AP4E1: variants seen among roughly 807,000 people sequenced by gnomAD.
The protein encoded by AP4E1 is AP-4 complex subunit epsilon-1.
A neutral mutation model predicts 128.2 loss-of-function variants in AP4E1; 56 were observed. The observed-to-expected ratio is 0.44, with a 90% CI of 0.35 to 0.55. The LOEUF is 0.55. Ranked by LOEUF, AP4E1 falls within the 20% of genes least tolerant of loss-of-function variation. The probability of loss-of-function intolerance (pLI) is 0.00; values close to 1 mark genes in which losing one functional copy is unlikely to be tolerated. For synonymous variants in AP4E1, 484 were observed against 473.1 expected (o/e 1.02, Z -0.30); for missense variants, 1,324 against 1,307.7 (o/e 1.01, Z -0.19).
rs556450190 is a variant in AP4E1, at chr15:50,997,380, G to A, written c.2401G>A (p.Glu801Lys). 31 of 1,603,770 alleles carry A rather than the reference G, an allele frequency of 1.9e-5. No individual in the cohort carries two copies. The African/African-American group carries it at 3.9e-4, about 20-fold the overall frequency. The change falls in exon 18 of 21, where the codon GAA (glutamate) becomes AAA (lysine). Residue 801 changes from glutamate to lysine, a missense_variant. Transcript: ENST00000261842. ...GTTCAGAAGGAAATCAAAAGTCAAA[G>A]AAGCTAAAAGTGGCGAAACAACCAG... Reference protein sequence around the residue: ...HKFRRKSKVKEAKSGETTSTH... With the variant: ...HKFRRKSKVKKAKSGETTSTH...
chr15:50,965,944 G>A (rs1174680944), intron 14 of AP4E1, among the ~76,000 whole-genome samples: 1 of 151,662 alleles, frequency 6.6e-6, no homozygotes, highest in East Asian at 1.9e-4. Context: ...TTGAGACGGA[G>A]TCTCGCTCTG....
In AP4E1 at chr15:50,939,420, C is replaced by T. The variant is rs150705622; in HGVS notation, c.944-2022C>T. Among the ~76,000 whole-genome samples the T allele has an allele frequency of 1.6e-3, 244 of 149,060 alleles. 8 individuals are homozygous for T. The East Asian group carries it at 0.04, about 24-fold the overall frequency. On this transcript the variant is annotated intron_variant, in intron 8 of 20. Coordinates refer to ENST00000261842, the MANE Select transcript of AP4E1 (RefSeq NM_007347.5). ...CCTGGGGGGTGGAGGTTGCAGACTG[C>T]ATCTCAAAAAAAAAAAAAGAAATTC...
chr15:50,955,410 A>T (rs1475781284), intron 13 of AP4E1, among the ~76,000 whole-genome samples: 1 of 152,024 alleles, frequency 6.6e-6, no homozygotes, highest in Non-Finnish European at 1.5e-5. Context: ...TGTGGTTTTG[A>T]TTAGCATTTC....
intron 3 of AP4E1, among the ~76,000 whole-genome samples, chr15:50,923,724 T>G (rs139159027): frequency 1.4e-4 from 22 of 152,346 alleles, no homozygotes; most frequent in Admixed American, 9.8e-4. Context: ...TGGAATATCC[T>G]ATGAAATACA....
intron 2 of AP4E1, among the ~76,000 whole-genome samples, chr15:50,914,529 T>G (rs542190215): frequency 6.6e-6 from 1 of 151,880 alleles, no homozygotes; most frequent in Admixed American, 6.6e-5. Context: ...CGTGCACCTG[T>G]GGTCCTGGCT....
At position 50,925,227 on chromosome 15, in the gene AP4E1, A is replaced by C; in HGVS notation, c.542+8A>C. On this transcript the variant is annotated splice_region_variant and intron_variant, in intron 5 of 20. Transcript: ENST00000261842. ...TAAACTTCAACATTCTAAGTAAGTA[A>C]ATTCTTTTGGGATAGGCATCTATGC... 6.2e-7 allele frequency: 1 copy of C among 1,612,286 alleles called. No individual in the cohort carries two copies. Among genetic ancestry groups the C allele is most frequent in the Non-Finnish European group, 8.5e-7 (1 of 1,178,580 alleles).
chr15:50,967,628 G>A (rs553510612), intron 14 of AP4E1, among the ~76,000 whole-genome samples: 2 of 152,326 alleles, frequency 1.3e-5, no homozygotes, highest in South Asian at 4.1e-4. Context: ...GCTCAGGGTA[G>A]GAGCTGTGTC....
At chr15:50,954,722 T>C (rs1191083417) in intron 13 of AP4E1, among the ~76,000 whole-genome samples, 1 of 152,180 alleles carries the variant, frequency 6.6e-6, no homozygotes, top group African/African-American at 2.4e-5. Context: ...TACTTTAAGT[T>C]CTAGGGTACA....
In AP4E1 at chr15:51,003,586, A is replaced by G. The variant is rs1040113683; in HGVS notation, c.*924A>G. The G allele has an allele frequency of 1.3e-5, 2 of 152,754 alleles. No homozygotes were observed. Among genetic ancestry groups the G allele is most frequent in the Admixed American group, 1.3e-4 (2 of 15,310 alleles). 9.5% of individuals were successfully genotyped at this position (152,754 alleles called of 1,614,324 possible). ...ATGGATATAGCTGAAGCAGAGACTA[A>G]GTATAACATACAGGTTCTTCAGTAA... is the stretch of plus-strand genomic sequence containing the variant. On this transcript the variant is annotated 3_prime_UTR_variant, in exon 21 of 21. Transcript: ENST00000261842.
At chr15:50,924,155 A>T (rs1287496541) in intron 4 of AP4E1, 151 bp downstream of exon 4, 2 of 640,212 alleles carry the variant, frequency 3.1e-6, no homozygotes, top group Non-Finnish European at 5.5e-6. Flanking sequence ...CTGCATCTAT[A>T]AAATGGAGTT....
At chr15:50,914,813 A>G (rs1406174819) in intron 2 of AP4E1, among the ~76,000 whole-genome samples, 2 of 152,130 alleles carry the variant, frequency 1.3e-5, no homozygotes, top group Non-Finnish European at 2.9e-5. Flanking sequence ...TTTGGCTTGC[A>G]TTGAAGATAT....
At chr15:50,986,679 T>G (rs1299487889) in intron 16 of AP4E1, among the ~76,000 whole-genome samples, 14 of 151,986 alleles carry the variant, frequency 9.2e-5, no homozygotes, top group African/African-American at 1.5e-4. Context: ...TGGTGGATAA[T>G]CTTTTTGATG....
chr15:50,926,290 C>T (rs1259600822), intron 5 of AP4E1, among the ~76,000 whole-genome samples: 2 of 151,914 alleles, frequency 1.3e-5, no homozygotes, highest in East Asian at 1.9e-4. Context: ...GAACACGCCA[C>T]CATGCCCAGC....
At chr15:50,935,325 A>G (rs1355702964) in intron 8 of AP4E1, among the ~76,000 whole-genome samples, 1 of 152,124 alleles carries the variant, frequency 6.6e-6, no homozygotes, top group Admixed American at 6.5e-5. Flanking sequence ...TATAGGCAGG[A>G]ATATATAGAC....
chr15:50,908,746 C>G lies in AP4E1; in HGVS notation c.-33C>G. On this transcript the variant is annotated 5_prime_UTR_variant, in exon 1 of 21. Transcript: ENST00000261842. ...ATGAAGCCGGGCGGCTACGGGATCG[C>G]GGGCGGCGGCGGCATCGCGGGCGGC... 1 of 1,501,162 alleles carries G rather than the reference C, an allele frequency of 6.7e-7. No individual in the cohort carries two copies. The highest frequency in any genetic ancestry group is 8.9e-7 in the Non-Finnish European group (1 of 1,126,834). 93.0% of individuals were successfully genotyped at this position (1,501,162 alleles called of 1,614,324 possible).
chr15:50,908,008 G>C (rs1399729873), upstream of AP4E1, among the ~76,000 whole-genome samples: 1 of 152,242 alleles, frequency 6.6e-6, no homozygotes. Flanking sequence ...CGCCGGGCCA[G>C]GGGAGTGGGC....
chr15:50,914,177 A>T lies in AP4E1; in HGVS notation c.223-1271A>T, dbSNP rs546229832. 2.1e-4 allele frequency among the ~76,000 whole-genome samples: 32 copies of T among 152,278 alleles called. No individual in the cohort carries two copies. In the South Asian group the frequency reaches 6.6e-3, roughly 32 times the overall value. Reference sequence around the variant, plus strand: ...AATTAACTTTTACTGCTTTAAGCACAAGTGACCTGAGTTAAATCTCATTCC... The same window carrying T: ...AATTAACTTTTACTGCTTTAAGCACTAGTGACCTGAGTTAAATCTCATTCC... On this transcript the variant is annotated intron_variant, in intron 2 of 20. Transcript: ENST00000261842.
At chr15:50,989,230 T>C (rs1270943194) in intron 16 of AP4E1, among the ~76,000 whole-genome samples, 1 of 152,192 alleles carries the variant, frequency 6.6e-6, no homozygotes, top group African/African-American at 2.4e-5. Context: ...TTAAAAATGT[T>C]TTAAGTAATG....
chr15:50,984,966 C>T (rs1022770003), intron 16 of AP4E1, among the ~76,000 whole-genome samples: 2 of 152,068 alleles, frequency 1.3e-5, no homozygotes, highest in Admixed American at 6.6e-5. Context: ...CTCTCCAGCA[C>T]CTGTTGTTTC....
Sources: allele counts gnomAD v4.1 joint callset (sites outside exome capture counted in the v4.1 genomes callset), GRCh38; gene constraint gnomAD v4.1.1; transcripts MANE v1.5; gene names NCBI Gene and HGNC (gene_info 2026-07-23, HGNC 2026-07-21).